RALYL: variants seen among roughly 807,000 people sequenced by gnomAD.
The protein encoded by RALYL is RALY RNA binding protein like, also known as RNA-binding Raly-like protein.
Under a neutral mutation model 35.1 loss-of-function variants are expected in RALYL, and 29 were observed. The ratio of observed to expected loss-of-function variants is 0.83; its 90% CI spans 0.61 to 1.13. RALYL has a LOEUF of 1.13. Ranked by LOEUF, RALYL falls within the 50% of genes most tolerant of loss-of-function variation. The probability of loss-of-function intolerance (pLI) is 0.00; values close to 1 mark genes in which losing one functional copy is unlikely to be tolerated. For synonymous variants in RALYL, 120 were observed against 127.6 expected (o/e 0.94, Z 0.40); for missense variants, 359 against 360.4 (o/e 1.00, Z 0.03).
chr8:84,794,490 CCCTTTA>C (rs1197197928), intron 3 of RALYL, among the ~76,000 whole-genome samples: 4 of 152,194 alleles, frequency 2.6e-5, no homozygotes, highest in African/African-American at 9.7e-5. Flanking sequence ...AAATTTACTT[CCCTTTA>C]CAAGTCTGGA....
intron 2 of RALYL, among the ~76,000 whole-genome samples, chr8:84,739,260 T>C (rs1476695330): frequency 6.6e-6 from 1 of 151,906 alleles, no homozygotes; most frequent in African/African-American, 2.4e-5. Context: ...TGTTGGTTCA[T>C]AAACAATTAT....
intron 1 of RALYL, among the ~76,000 whole-genome samples, chr8:84,349,014 G>A (rs1419175250): frequency 6.7e-6 from 1 of 150,116 alleles, no homozygotes; most frequent in Non-Finnish European, 1.5e-5. Flanking sequence ...AACACCACTG[G>A]TTTAGATTTG....
chr8:84,767,396 A>T (rs989433583), intron 2 of RALYL, among the ~76,000 whole-genome samples: 7 of 152,204 alleles, frequency 4.6e-5, no homozygotes, highest in African/African-American at 1.4e-4. Context: ...TACTGTGAAA[A>T]GATACAGTTA....
intron 2 of RALYL, among the ~76,000 whole-genome samples, chr8:84,547,544 T>G (rs1032008666): frequency 3.3e-5 from 5 of 152,084 alleles, no homozygotes; most frequent in South Asian, 4.2e-4. Context: ...CACGCCCGTC[T>G]AATCGTTTGT....
intron 1 of RALYL, among the ~76,000 whole-genome samples, chr8:84,302,243 A>C (rs752470079): frequency 6.6e-6 from 1 of 152,198 alleles, no homozygotes. Flanking sequence ...AGAGCTTCAC[A>C]TCATATCTAA....
chr8:84,920,942 A>C lies in RALYL; in HGVS notation c.*31A>C, dbSNP rs755142198. ...AATAACGCATGATGCCACAAAGCAG[A>C]AAAGAGAAACTGTGACAACCCCCAG... On this transcript the variant is annotated 3_prime_UTR_variant, in exon 9 of 9. Transcript: ENST00000521268. 3.6e-6 allele frequency: 5 copies of C among 1,402,328 alleles called. No individual in the cohort carries two copies. The highest frequency in any genetic ancestry group is 1.5e-5 in the African/African-American group (1 of 67,664). The allele number at this position is 1,402,328 out of a possible 1,614,324, so 86.9% of individuals were successfully genotyped here. A position where few individuals can be genotyped will look rare whatever the true frequency, so the allele number is the denominator to read the frequency against.
chr8:84,425,230 A>G (rs2046240888), intron 1 of RALYL, among the ~76,000 whole-genome samples: 1 of 152,046 alleles, frequency 6.6e-6, no homozygotes, highest in Non-Finnish European at 1.5e-5. Context: ...CCTCCGAGCC[A>G]GGTGTGGGAT....
intron 2 of RALYL, among the ~76,000 whole-genome samples, chr8:84,712,860 T>C (rs1378767020): frequency 2.6e-5 from 4 of 152,202 alleles, no homozygotes; most frequent in African/African-American, 7.2e-5. Context: ...TATTAGTCTA[T>C]CATTTTAACA....
intron 1 of RALYL, among the ~76,000 whole-genome samples, chr8:84,357,527 G>T (rs1484625411): frequency 6.6e-6 from 1 of 151,868 alleles, no homozygotes; most frequent in Non-Finnish European, 1.5e-5. Flanking sequence ...TGGTACCTTA[G>T]GCACTGGGGA....
intron 4 of RALYL, among the ~76,000 whole-genome samples, chr8:84,825,397 G>A (rs1392054383): frequency 6.6e-6 from 1 of 152,120 alleles, no homozygotes; most frequent in Non-Finnish European, 1.5e-5. Flanking sequence ...CACTGTTGGT[G>A]GGAATGTAAA....
intron 3 of RALYL, among the ~76,000 whole-genome samples, chr8:84,784,682 T>A (rs1818952604): frequency 6.6e-6 from 1 of 152,166 alleles, no homozygotes. Flanking sequence ...CTTATAAAAC[T>A]TACATAAACT....
chr8:84,787,198 C>A (rs1819721445), intron 3 of RALYL, among the ~76,000 whole-genome samples: 1 of 151,504 alleles, frequency 6.6e-6, no homozygotes, highest in South Asian at 2.1e-4. Context: ...TGTGATGTTC[C>A]CCTCTCTGTG....
chr8:84,538,175 G>C (rs60533047), intron 2 of RALYL, among the ~76,000 whole-genome samples: 14 of 151,906 alleles, frequency 9.2e-5, no homozygotes, highest in African/African-American at 3.4e-4. Context: ...TAGAAAGCCC[G>C]GGGGATTTGC....
chr8:84,566,043 AT>A (rs34965396), intron 2 of RALYL, among the ~76,000 whole-genome samples: 28,495 of 151,402 alleles, frequency 0.19, 2,946 homozygotes, highest in Non-Finnish European at 0.23. Context: ...AAGTTCAGTC[AT>A]TTGGCTACTA....
chr8:84,477,284 G>A (rs1444408689), intron 1 of RALYL, among the ~76,000 whole-genome samples: 2 of 151,786 alleles, frequency 1.3e-5, no homozygotes, highest in Non-Finnish European at 2.9e-5. Flanking sequence ...GGGAGTTAGG[G>A]TATCTCCTTT....
intron 2 of RALYL, among the ~76,000 whole-genome samples, chr8:84,600,065 C>A (rs537764281): frequency 6.6e-6 from 1 of 151,990 alleles, no homozygotes; most frequent in Non-Finnish European, 1.5e-5. Flanking sequence ...TAAGCACATA[C>A]ACTTATAGAT....
At chr8:84,237,424 G>A (rs995955479) in intron 1 of RALYL, among the ~76,000 whole-genome samples, 2 of 152,110 alleles carry the variant, frequency 1.3e-5, no homozygotes, top group Non-Finnish European at 2.9e-5. Flanking sequence ...GAGGCTGAGA[G>A]GTGAAGGGAA....
intron 2 of RALYL, chr8:84,679,744 A>C (rs187525035): frequency 1.5e-5 from 8 of 523,362 alleles, no homozygotes; most frequent in Non-Finnish European, 2.7e-5. Flanking sequence ...GGCCACTAAC[A>C]GACCTGATAC....
chr8:84,340,308 T>C (rs1848576274), intron 1 of RALYL, among the ~76,000 whole-genome samples: 1 of 152,112 alleles, frequency 6.6e-6, no homozygotes, highest in Non-Finnish European at 1.5e-5. Flanking sequence ...CAGTGTAAGA[T>C]CTACTCACTT....
Sources: allele counts gnomAD v4.1 joint callset (sites outside exome capture counted in the v4.1 genomes callset), GRCh38; gene constraint gnomAD v4.1.1; transcripts MANE v1.5; gene names NCBI Gene and HGNC (gene_info 2026-07-23, HGNC 2026-07-21).